DGKB: variants seen among roughly 807,000 people sequenced by gnomAD.
The protein encoded by DGKB is diacylglycerol kinase beta, also known as 90 kDa diacylglycerol kinase.
A neutral mutation model predicts 114.3 loss-of-function variants in DGKB; 67 were observed. The ratio of observed to expected loss-of-function variants is 0.59; its 90% CI spans 0.48 to 0.72. The LOEUF is 0.72. DGKB is among the 30% of genes least tolerant of loss of function. DGKB has a pLI of 0.00. For missense variants in DGKB, 907 were observed against 975.2 expected (o/e 0.93, Z 0.93); for synonymous variants, 398 against 323.1 (o/e 1.23, Z -2.49).
intron 25 of DGKB, among the ~76,000 whole-genome samples, chr7:14,160,627 G>C (rs1373044952): frequency 6.6e-6 from 1 of 152,036 alleles, no homozygotes; most frequent in Non-Finnish European, 1.5e-5. Flanking sequence ...AATAAGAGAG[G>C]ATACAAATGG....
At chr7:14,870,561 G>A (rs961691094) in intron 1 of DGKB, among the ~76,000 whole-genome samples, 2 of 152,110 alleles carry the variant, frequency 1.3e-5, no homozygotes, top group African/African-American at 4.8e-5. Context: ...ACTTTAGGAG[G>A]CCGAGGAGGG....
chr7:14,497,172 T>C (rs1785427708), intron 20 of DGKB, among the ~76,000 whole-genome samples: 1 of 151,438 alleles, frequency 6.6e-6, no homozygotes, highest in Non-Finnish European at 1.5e-5. Context: ...ATATTGGACA[T>C]TGGAGACTCA....
intron 21 of DGKB, among the ~76,000 whole-genome samples, chr7:14,435,645 T>C (rs1161262226): frequency 6.6e-6 from 1 of 152,100 alleles, no homozygotes; most frequent in East Asian, 1.9e-4. Context: ...CAATGCCATG[T>C]TATCTTTGAT....
chr7:14,338,929 A>T (rs933243293), intron 22 of DGKB, among the ~76,000 whole-genome samples: 2 of 152,108 alleles, frequency 1.3e-5, no homozygotes, highest in Non-Finnish European at 2.9e-5. Context: ...GTCCTTAAAA[A>T]TGATCAAATT....
At position 14,443,527 on chromosome 7, in the gene DGKB, T is replaced by C. The variant is rs542203598; in HGVS notation, c.1835+34634A>G. On this transcript the variant is annotated intron_variant, in intron 21 of 25. Coordinates refer to ENST00000402815, the MANE Select transcript of DGKB (RefSeq NM_001350709.2). ...GATAGGTTAGCTTATTTTCAAATCA[T>C]GGGTTGACAATTATTTGTTTCAGAA... Among the ~76,000 whole-genome samples, 5 of 152,260 alleles carry C rather than the reference T, an allele frequency of 3.3e-5. No homozygotes were observed. In the East Asian group the frequency reaches 9.7e-4, roughly 29 times the overall value.
rs1345963238 is a variant in DGKB at position 14,567,465 on chromosome 7, ATTT to A, written c.1770+6744_1770+6746del. 1.6e-3 allele frequency among the ~76,000 whole-genome samples: 117 copies of A among 72,800 alleles called. 2 individuals carry two copies. The highest frequency in any genetic ancestry group is 6.5e-3 in the African/African-American group (112 of 17,266). The allele number at this position is 72,800 out of a possible 152,430, so 47.8% of individuals were successfully genotyped here. A position where few individuals can be genotyped will look rare whatever the true frequency, so the allele number is the denominator to read the frequency against. On this transcript the variant is annotated intron_variant, in intron 20 of 25. Coordinates refer to ENST00000402815, the MANE Select transcript of DGKB (RefSeq NM_001350709.2). ...TATTATATATTATATATAATTATAT[ATTT>A]ATATATTATATATATTTATATATTA... is the stretch of plus-strand genomic sequence containing the variant.
At chr7:14,512,264 T>G (rs989624832) in intron 20 of DGKB, among the ~76,000 whole-genome samples, 1 of 152,182 alleles carries the variant, frequency 6.6e-6, no homozygotes, top group Non-Finnish European at 1.5e-5. Flanking sequence ...AACACAATCA[T>G]AGAAGCTGAT....
chr7:14,865,923 A>G (rs746277928), intron 1 of DGKB, among the ~76,000 whole-genome samples: 1 of 152,208 alleles, frequency 6.6e-6, no homozygotes, highest in African/African-American at 2.4e-5. Context: ...CACTTAAAAT[A>G]TAACTTTCAT....
At chr7:14,829,019 T>C (rs111639283) in intron 2 of DGKB, among the ~76,000 whole-genome samples, 2 of 151,874 alleles carry the variant, frequency 1.3e-5, no homozygotes, top group African/African-American at 4.8e-5. Context: ...AGAAAAAAAA[T>C]AGAAATGGTT....
In DGKB at chr7:14,732,100, CTATT is replaced by C. The variant is rs552062126; in HGVS notation, c.322+3937_322+3940del. 4.4e-3 allele frequency among the ~76,000 whole-genome samples: 665 copies of C among 152,018 alleles called. 10 individuals carry two copies. The highest frequency in any genetic ancestry group is 0.015 in the African/African-American group (621 of 41,496). On this transcript the variant is annotated intron_variant, in intron 5 of 25. Coordinates refer to ENST00000402815, the MANE Select transcript of DGKB (RefSeq NM_001350709.2). ...GTATAAATACATACAACCTTTATGC[CTATT>C]TATAATTATTTTTAAATTTTTATTC... is the stretch of plus-strand genomic sequence containing the variant.
chr7:14,453,206 G>GT (rs1414006011), intron 21 of DGKB, among the ~76,000 whole-genome samples: 1 of 152,128 alleles, frequency 6.6e-6, no homozygotes, highest in Non-Finnish European at 1.5e-5. Flanking sequence ...TAAGCTGCTT[G>GT]TTCAGGGTCA....
rs140904644 is a variant in DGKB at position 14,165,724 on chromosome 7, A to G, written c.2304+11115T>C. Reference sequence around the variant, plus strand: ...ATAGAAAGGATTTTCATGATATTCAACTTCGAATGGGCCTTTGAAAGGACC... The same window carrying G: ...ATAGAAAGGATTTTCATGATATTCAGCTTCGAATGGGCCTTTGAAAGGACC... On this transcript the variant is annotated intron_variant, in intron 25 of 25. Coordinates refer to ENST00000402815, the MANE Select transcript of DGKB (RefSeq NM_001350709.2). 4.9e-3 allele frequency among the ~76,000 whole-genome samples: 742 copies of G among 152,304 alleles called. 3 individuals carry two copies. Among genetic ancestry groups the G allele is most frequent in the African/African-American group, 0.017 (694 of 41,566 alleles).
chr7:14,536,088 T>A (rs981593406), intron 20 of DGKB, among the ~76,000 whole-genome samples: 1 of 152,088 alleles, frequency 6.6e-6, no homozygotes, highest in Non-Finnish European at 1.5e-5. Flanking sequence ...ATATACAAGC[T>A]ACTAAGACAG....
chr7:14,833,731 AAC>A (rs541158480), intron 2 of DGKB, among the ~76,000 whole-genome samples: 39 of 152,244 alleles, frequency 2.6e-4, no homozygotes, highest in African/African-American at 9.4e-4. Context: ...TCTATACACC[AAC>A]ACACACATCA....
intron 23 of DGKB, among the ~76,000 whole-genome samples, chr7:14,244,015 G>A (rs1422934491): frequency 2.7e-5 from 4 of 150,146 alleles, no homozygotes; most frequent in African/African-American, 9.7e-5. Flanking sequence ...ACAGTGTTAT[G>A]AGAGATTCTG....
intron 13 of DGKB, among the ~76,000 whole-genome samples, chr7:14,663,384 T>C (rs1340280504): frequency 6.6e-6 from 1 of 152,022 alleles, no homozygotes; most frequent in Non-Finnish European, 1.5e-5. Context: ...TCTTGCCCTT[T>C]TCAACTGAAT....
At chr7:14,201,169 C>T (rs370430502) in intron 23 of DGKB, among the ~76,000 whole-genome samples, 1 of 151,992 alleles carries the variant, frequency 6.6e-6, no homozygotes, top group Non-Finnish European at 1.5e-5. Context: ...AGATAGCTGT[C>T]TTTTCACTGT....
At chr7:14,215,923 A>G (rs552943949) in intron 23 of DGKB, among the ~76,000 whole-genome samples, 5 of 152,318 alleles carry the variant, frequency 3.3e-5, no homozygotes, top group East Asian at 1.9e-4. Context: ...GCCACTTTGT[A>G]TATATGGCCT....
chr7:14,611,459 C>T (rs748892032), intron 16 of DGKB, among the ~76,000 whole-genome samples: 1 of 152,012 alleles, frequency 6.6e-6, no homozygotes, highest in Non-Finnish European at 1.5e-5. Context: ...TCAAAAAAGC[C>T]AAAAAATTTG....
Sources: gnomAD v4.1 joint callset for allele counts (sites outside exome capture counted in the v4.1 genomes callset) on GRCh38, gnomAD v4.1.1 for gene constraint, MANE v1.5 for transcripts, NCBI Gene and HGNC (gene_info 2026-07-23, HGNC 2026-07-21) for gene names.